The following IL9R variants were observed in gnomAD, a reference collection of about 807,000 sequenced individuals.
IL9R encodes interleukin-9 receptor.
A neutral mutation model predicts 56.3 loss-of-function variants in IL9R; 54 were observed. The observed-to-expected ratio is 0.96, with a 90% CI of 0.77 to 1.20. The LOEUF is 1.20. IL9R is among the 50% of genes most tolerant of loss of function. The pLI, the probability that IL9R is intolerant of heterozygous loss-of-function variation, is 0.00. For synonymous variants in IL9R, 212 were observed against 250.2 expected (o/e 0.85, Z 1.44); for missense variants, 545 against 629.8 (o/e 0.87, Z 1.44).
intron 5 of IL9R, 57 bp from the exon 6 acceptor site, chrX:156,005,221 A>G: frequency 7.2e-7 from 1 of 1,395,074 alleles, no homozygotes; most frequent in East Asian, 2.3e-5. Context: ...TGTATTCTCG[A>G]GGGCTGAGGG....
chrX:156,002,749 G>A (rs865827818), intron 1 of IL9R, 157 bp from the exon 2 acceptor site: 1 of 1,016,274 alleles, frequency 9.8e-7, no homozygotes, highest in South Asian at 1.4e-5. Flanking sequence ...CCTGGACAGT[G>A]GTCCAGGACG....
chrX:156,006,725 G>C (rs1024142520), intron 7 of IL9R, among the ~76,000 whole-genome samples: 3 of 152,060 alleles, frequency 2.0e-5, no homozygotes, highest in African/African-American at 7.3e-5. Flanking sequence ...GTGAGGAAGA[G>C]GGTGTGGGGA....
At chrX:155,999,122 T>C in intron 1 of IL9R, among the ~76,000 whole-genome samples, 1 of 151,934 alleles carries the variant, frequency 6.6e-6, no homozygotes, top group East Asian at 1.9e-4. Context: ...GGGAAAGGCC[T>C]CATGAAGGAC....
rs149552463 is a variant in IL9R, at chrX:156,004,070, G to T, written c.433+215G>T. The stretch of plus-strand genomic sequence containing the variant: ...CAGGGTTTTGGCAGGAAATAAACAT[G>T]CACGGCTGCTAGTTGGGGCAGGGGC... On this transcript the variant is annotated intron_variant, in intron 4 of 8. Coordinates refer to ENST00000244174, the MANE Select transcript of IL9R (RefSeq NM_002186.3). The T allele has an allele frequency of 9.2e-3, 5,614 of 612,472 alleles. 259 individuals carry two copies. In the African/African-American group the frequency reaches 0.093, roughly 10 times the overall value. The allele number at this position is 612,472 out of a possible 1,614,324, so 37.9% of individuals were successfully genotyped here.
At chrX:155,998,338 C>A (rs2067277729) in intron 1 of IL9R, among the ~76,000 whole-genome samples, 1 of 151,810 alleles carries the variant, frequency 6.6e-6, no homozygotes, top group Non-Finnish European at 1.5e-5. Flanking sequence ...GTCAACCCAG[C>A]CAAGCAGAGG....
At chrX:156,009,228 T>C (rs1394470283) in intron 8 of IL9R, among the ~76,000 whole-genome samples, 1 of 892 alleles carries the variant, frequency 1.1e-3, no homozygotes, top group Non-Finnish European at 2.3e-3. Context: ...TATGTGTCTG[T>C]GTGTGTTCGT....
chrX:155,999,159 G>A (rs1425869517), intron 1 of IL9R, among the ~76,000 whole-genome samples: 1 of 152,050 alleles, frequency 6.6e-6, no homozygotes, highest in Non-Finnish European at 1.5e-5. Flanking sequence ...AGGGAAGATG[G>A]CAGAGGGGAC....
At chrX:156,008,963 A>ATG (rs1194381954) in intron 8 of IL9R, among the ~76,000 whole-genome samples, 5 of 78,676 alleles carry the variant, frequency 6.4e-5, no homozygotes, top group African/African-American at 1.6e-4. Context: ...GTGTGTGTTT[A>ATG]TGTGTGTGTG....
At chrX:156,005,609 C>T (rs2067877607) in intron 6 of IL9R, 130 bp downstream of exon 6, 2 of 746,584 alleles carry the variant, frequency 2.7e-6, no homozygotes, top group African/African-American at 1.7e-5. Context: ...CCTCAGTTGA[C>T]CCCCTTCCTC....
At position 156,003,026 on chromosome X, in the gene IL9R, G is replaced by A; in HGVS notation, c.142+7G>A. 1.2e-6 allele frequency: 2 copies of A among 1,613,808 alleles called. No homozygotes were observed. The highest frequency in any genetic ancestry group is 1.7e-6 in the Non-Finnish European group (2 of 1,179,822). ...GTCACAGGGGAAGGACAAGGTGAGG[G>A]CTGGGCACTAATGTCTGTATGAGGT... is the stretch of plus-strand genomic sequence containing the variant. On this transcript the variant is annotated splice_region_variant and intron_variant, in intron 2 of 8. Transcript: ENST00000244174.
chrX:156,009,201 ATG>A (rs1480296687), intron 8 of IL9R, among the ~76,000 whole-genome samples: 7 of 79,072 alleles, frequency 8.9e-5, no homozygotes, highest in African/African-American at 3.8e-4. Context: ...CTGTGTGTGT[ATG>A]TGTCTGTGTG....
At chrX:156,001,587 T>C in intron 1 of IL9R, 6 of 1,048,358 alleles carry the variant, frequency 5.7e-6, no homozygotes, top group Non-Finnish European at 9.0e-6. Flanking sequence ...TGGGGCAGAG[T>C]GGGGTTAGAG....
chrX:155,998,015 G>A (rs997141219), intron 1 of IL9R, among the ~76,000 whole-genome samples: 1 of 152,128 alleles, frequency 6.6e-6, no homozygotes, highest in Non-Finnish European at 1.5e-5. Context: ...TCCTGTAGGG[G>A]TCATGGGTTC....
At chrX:156,007,047 G>C (rs3093525) in intron 7 of IL9R, among the ~76,000 whole-genome samples, 2,765 of 151,916 alleles carry the variant, frequency 0.018, 99 homozygotes, top group African/African-American at 0.063. Context: ...GGAAATGGGG[G>C]ACAGCCTTGC....
At chrX:156,007,090 G>A (rs1038176899) in intron 7 of IL9R, among the ~76,000 whole-genome samples, 6 of 151,760 alleles carry the variant, frequency 4.0e-5, no homozygotes, top group Admixed American at 3.3e-4. Context: ...TGGACCTGTT[G>A]GGTTGGAGCC....
At chrX:156,008,353 C>T (rs1378481356) in intron 8 of IL9R, among the ~76,000 whole-genome samples, 1 of 151,478 alleles carries the variant, frequency 6.6e-6, no homozygotes, top group African/African-American at 2.5e-5. Flanking sequence ...CTCCCTGTCC[C>T]CTTCACACTG....
At position 155,997,759 on chromosome X, in the gene IL9R, G is replaced by A. The variant is rs138179401; in HGVS notation, c.-1G>A. The A allele has an allele frequency of 6.2e-7, 1 of 1,613,654 alleles. No homozygotes were observed. Among genetic ancestry groups the A allele is most frequent in the Non-Finnish European group, 8.5e-7 (1 of 1,179,756 alleles). On this transcript the variant is annotated 5_prime_UTR_variant, in exon 1 of 9. Coordinates refer to ENST00000244174, the MANE Select transcript of IL9R (RefSeq NM_002186.3). ...CAGGTTGGGGATGCCTCAGACTTGT[G>A]ATGGGACTGGGCAGATGCATCTGGG...
Position 156,006,317 on chromosome X carries a change from C to T in IL9R, c.887+129C>T, listed in dbSNP as rs888604487. On this transcript the variant is annotated intron_variant, in intron 7 of 8. Transcript: ENST00000244174. ...GGTGGGTGGGCCATCAAGGGCCGCC[C>T]TTGTCTGGTTCCTCCCCTCCCCTCT... The T allele has an allele frequency of 1.5e-4, 99 of 641,040 alleles. No individual in the cohort carries two copies. The South Asian group carries it at 1.6e-3, about 11-fold the overall frequency. The allele number at this position is 641,040 out of a possible 1,614,324, so 39.7% of individuals were successfully genotyped here. A position where few individuals can be genotyped will look rare whatever the true frequency, so the allele number is the denominator to read the frequency against.
At chrX:156,006,383 C>G (rs1195782450) in intron 7 of IL9R, among the ~76,000 whole-genome samples, 195 bp downstream of exon 7, 1 of 148,542 alleles carries the variant, frequency 6.7e-6, no homozygotes, top group Non-Finnish European at 1.5e-5. Context: ...TTCGAGTCTC[C>G]ACCCTGGTCC....
Sources: allele counts gnomAD v4.1 joint callset (sites outside exome capture counted in the v4.1 genomes callset), GRCh38; gene constraint gnomAD v4.1.1; transcripts MANE v1.5; gene names NCBI Gene and HGNC (gene_info 2026-07-23, HGNC 2026-07-21).